Variants in PAK5 observed in about 807,000 individuals in gnomAD.
PAK5 encodes the protein serine/threonine-protein kinase PAK 5.
In PAK5, 16 loss-of-function variants were observed where a neutral mutation model predicts 65.9. The observed-to-expected ratio is 0.24, with a 90% CI of 0.16 to 0.37. PAK5 has a LOEUF of 0.37. PAK5 is among the 10% of genes least tolerant of loss of function. The pLI, the probability that PAK5 is intolerant of heterozygous loss-of-function variation, is 1.00. For synonymous variants in PAK5, 371 were observed against 354.9 expected (o/e 1.05, Z -0.51); for missense variants, 785 against 903.9 (o/e 0.87, Z 1.69).
intron 2 of PAK5, among the ~76,000 whole-genome samples, chr20:9,678,394 C>T (rs549817357): frequency 7.2e-5 from 11 of 152,182 alleles, no homozygotes; most frequent in East Asian, 5.8e-4. Flanking sequence ...GGTGAAACCC[C>T]GTCTCTACTA....
At chr20:9,790,423 G>A (rs6056874) in intron 1 of PAK5, among the ~76,000 whole-genome samples, 1,959 of 152,202 alleles carry the variant, frequency 0.013, 48 homozygotes, top group African/African-American at 0.041. Flanking sequence ...CCAGGGGAAT[G>A]CGAGGATAGA....
chr20:9,690,557 A>G (rs185802951), intron 2 of PAK5, among the ~76,000 whole-genome samples: 220 of 152,054 alleles, frequency 1.4e-3, no homozygotes, highest in African/African-American at 5.2e-3. Context: ...ACTGGGCCTC[A>G]ATCCTGCTGG....
At chr20:9,735,378 T>G (rs768093063) in intron 1 of PAK5, among the ~76,000 whole-genome samples, 2 of 152,040 alleles carry the variant, frequency 1.3e-5, no homozygotes, top group Admixed American at 6.6e-5. Flanking sequence ...GACTGAGTAG[T>G]GATCAATTCA....
At chr20:9,695,598 T>A (rs536826736) in intron 2 of PAK5, among the ~76,000 whole-genome samples, 154 of 152,126 alleles carry the variant, frequency 1.0e-3, no homozygotes, top group African/African-American at 3.5e-3. Context: ...TCCAAGGAAC[T>A]AAGGTAAATT....
intron 2 of PAK5, among the ~76,000 whole-genome samples, chr20:9,701,411 C>T (rs543224968): frequency 3.3e-5 from 5 of 152,210 alleles, no homozygotes; most frequent in South Asian, 4.1e-4. Context: ...ACTAGAGAAA[C>T]GTCACTCAGG....
chr20:9,630,251 A>G (rs1345062839), intron 3 of PAK5, among the ~76,000 whole-genome samples: 1 of 152,200 alleles, frequency 6.6e-6, no homozygotes, highest in Non-Finnish European at 1.5e-5. Flanking sequence ...GAAAGCATGC[A>G]CTAGGGAAAA....
At chr20:9,613,946 C>T (rs1555904240) in intron 3 of PAK5, among the ~76,000 whole-genome samples, 1 of 152,136 alleles carries the variant, frequency 6.6e-6, no homozygotes. Context: ...TGGCTATCAA[C>T]AAACAATCAC....
chr20:9,798,084 T>G (rs2049126297), intron 1 of PAK5, among the ~76,000 whole-genome samples: 1 of 151,948 alleles, frequency 6.6e-6, no homozygotes, highest in Non-Finnish European at 1.5e-5. Context: ...GACTGAGGGG[T>G]TGGGAGTCCA....
intron 1 of PAK5, among the ~76,000 whole-genome samples, chr20:9,801,021 G>C (rs1311882938): frequency 6.6e-6 from 1 of 151,904 alleles, no homozygotes; most frequent in Non-Finnish European, 1.5e-5. Context: ...CAAGTTAAAG[G>C]GGATATCTAG....
chr20:9,540,956 T>C (rs2045252666), intron 9 of PAK5, among the ~76,000 whole-genome samples: 1 of 152,182 alleles, frequency 6.6e-6, no homozygotes, highest in African/African-American at 2.4e-5. Flanking sequence ...CAGGATGGTC[T>C]CCATCTCCTG....
chr20:9,772,617 G>C (rs1040140935), intron 1 of PAK5, among the ~76,000 whole-genome samples: 1 of 152,238 alleles, frequency 6.6e-6, no homozygotes, highest in African/African-American at 2.4e-5. Context: ...TCTGGTGGTT[G>C]TATTTCTCAT....
intron 3 of PAK5, among the ~76,000 whole-genome samples, chr20:9,611,362 C>T (rs1018225885): frequency 3.3e-5 from 5 of 152,172 alleles, no homozygotes; most frequent in African/African-American, 1.2e-4. Context: ...AACTGCCATT[C>T]CAGGAAGGGG....
At chr20:9,632,535 T>C (rs139180181) in intron 3 of PAK5, among the ~76,000 whole-genome samples, 94 of 152,276 alleles carry the variant, frequency 6.2e-4, no homozygotes, top group African/African-American at 2.2e-3. Flanking sequence ...AACTAAAAAA[T>C]AAAGTCATAT....
intron 1 of PAK5, among the ~76,000 whole-genome samples, chr20:9,801,348 A>T (rs1026388690): frequency 2.0e-5 from 3 of 151,906 alleles, no homozygotes; most frequent in African/African-American, 7.2e-5. Flanking sequence ...AATATATTTA[A>T]ATCTGGTTCT....
chr20:9,650,406 A>G (rs1475927897), intron 2 of PAK5, among the ~76,000 whole-genome samples: 1 of 152,116 alleles, frequency 6.6e-6, no homozygotes, highest in Non-Finnish European at 1.5e-5. Flanking sequence ...GGGGGATTTG[A>G]CCAATTACAG....
At chr20:9,652,539 T>C (rs73240969) in intron 2 of PAK5, among the ~76,000 whole-genome samples, 1,735 of 152,338 alleles carry the variant, frequency 0.011, 26 homozygotes, top group African/African-American at 0.039. Context: ...GGACAGTCAC[T>C]ATGTTCCACT....
At chr20:9,766,193 G>A (rs1350459493) in intron 1 of PAK5, among the ~76,000 whole-genome samples, 2 of 148,958 alleles carry the variant, frequency 1.3e-5, no homozygotes, top group Non-Finnish European at 3.0e-5. Flanking sequence ...CTATACTCCA[G>A]CCTGGCGACA....
At chr20:9,575,906 T>G (rs1445183506) in intron 4 of PAK5, among the ~76,000 whole-genome samples, 1 of 152,172 alleles carries the variant, frequency 6.6e-6, no homozygotes, top group Non-Finnish European at 1.5e-5. Context: ...CTTTATAAAC[T>G]TGGGGAAGTC....
chr20:9,805,377 T>C (rs966380093), intron 1 of PAK5, among the ~76,000 whole-genome samples: 35 of 152,088 alleles, frequency 2.3e-4, no homozygotes, highest in African/African-American at 8.2e-4. Context: ...AGGTATATAC[T>C]CAAGAAAACT....
Sources: gnomAD v4.1 joint callset for allele counts (sites outside exome capture counted in the v4.1 genomes callset) on GRCh38, gnomAD v4.1.1 for gene constraint, MANE v1.5 for transcripts, NCBI Gene and HGNC (gene_info 2026-07-23, HGNC 2026-07-21) for gene names.